Variants in PNPLA7 observed in about 807,000 individuals in gnomAD.
The protein encoded by PNPLA7 is patatin like domain 7, lysophospholipase, also known as patatin-like phospholipase domain-containing protein 7.
A neutral mutation model predicts 161.7 loss-of-function variants in PNPLA7; 153 were observed. That is an observed-to-expected ratio of 0.95 (90% CI 0.83 to 1.08). The LOEUF (loss-of-function observed/expected upper bound fraction) is 1.08, where lower values mean the gene tolerates loss of function less well. Ranked by LOEUF, PNPLA7 falls within the 50% of genes least tolerant of loss-of-function variation. PNPLA7 has a pLI of 0.00. For synonymous variants in PNPLA7, 809 were observed against 782.1 expected, an observed-to-expected ratio of 1.03 and a Z score of -0.57; for missense variants, 1,739 against 1,856.6, an observed-to-expected ratio of 0.94 and a Z score of 1.16.
At chr9:137,504,386 ATC>A (rs2132335837) in intron 14 of PNPLA7, among the ~76,000 whole-genome samples, 1 of 152,228 alleles carries the variant, frequency 6.6e-6, no homozygotes, top group Non-Finnish European at 1.5e-5. Context: ...TAATTTTTGT[ATC>A]TTTAGTAGAA....
At chr9:137,501,212 C>T (rs138821330) in intron 15 of PNPLA7, among the ~76,000 whole-genome samples, 41 of 152,300 alleles carry the variant, frequency 2.7e-4, no homozygotes, top group Non-Finnish European at 4.3e-4. Flanking sequence ...TTCCTGTGCA[C>T]GGGGGGTCCC....
Position 137,489,016 on chromosome 9 carries a change from C to T in PNPLA7, c.2197+3997G>A, listed in dbSNP as rs150795753. Among the ~76,000 whole-genome samples, 1,094 of 144,816 alleles carry T rather than the reference C, an allele frequency of 7.6e-3. 10 individuals carry two copies. The highest frequency in any genetic ancestry group is 0.028 in the African/African-American group (1,050 of 38,156). ...TCCCAACTGTCTACTCACTGACCAGCAGACATCCCCCCAACTGTGCACCCG... is the reference window on the plus strand; with the variant it reads ...TCCCAACTGTCTACTCACTGACCAGTAGACATCCCCCCAACTGTGCACCCG... On this transcript the variant is annotated intron_variant, in intron 20 of 34. Transcript: ENST00000406427.
At chr9:137,527,414 T>C (rs1360445847) in intron 8 of PNPLA7, among the ~76,000 whole-genome samples, 1 of 152,252 alleles carries the variant, frequency 6.6e-6, no homozygotes, top group Non-Finnish European at 1.5e-5. Context: ...AGATGTCCTT[T>C]ATTCGATTTA....
At chr9:137,538,746 A>G (rs1273857289) in intron 8 of PNPLA7, among the ~76,000 whole-genome samples, 1 of 152,216 alleles carries the variant, frequency 6.6e-6, no homozygotes, top group African/African-American at 2.4e-5. Flanking sequence ...AAAAGATTAA[A>G]CACACATTAA....
At chr9:137,495,787 C>T (rs73567287) in intron 18 of PNPLA7, among the ~76,000 whole-genome samples, 2 of 152,162 alleles carry the variant, frequency 1.3e-5, no homozygotes, top group African/African-American at 4.8e-5. Flanking sequence ...CCTGCGGGAG[C>T]CCTGCCCTCT....
chr9:137,497,441 T>C (rs1833125380), intron 17 of PNPLA7, 131 bp from the exon 18 acceptor site: 1 of 886,074 alleles, frequency 1.1e-6, no homozygotes, highest in Non-Finnish European at 1.5e-6. Flanking sequence ...ATTTTTGTTT[T>C]GGAAAACATA....
intron 11 of PNPLA7, chr9:137,516,245 G>A (rs1358318859): frequency 1.1e-6 from 1 of 896,008 alleles, no homozygotes; most frequent in Non-Finnish European, 1.3e-6. Flanking sequence ...GCGTCCCATT[G>A]GTGGATGTGG....
Position 137,520,439 on chromosome 9 carries a change from A to C in PNPLA7, c.958-396T>G, listed in dbSNP as rs1453859058. Among the ~76,000 whole-genome samples the C allele has an allele frequency of 1.3e-5, 2 of 152,244 alleles. No individual in the cohort carries two copies. The highest frequency in any genetic ancestry group is 1.9e-4 in the East Asian group (1 of 5,206). On this transcript the variant is annotated intron_variant, in intron 10 of 34. Transcript: ENST00000406427. The surrounding 1 kb of genome is among the most constrained non-coding windows in gnomAD (Gnocchi z 5.2). Reference sequence around the variant, plus strand: ...GTCAGAACCTTAATACTCTTCATTAAAACAAAAGATAATGTAGAAAACAAA... The same window carrying C: ...GTCAGAACCTTAATACTCTTCATTACAACAAAAGATAATGTAGAAAACAAA...
At position 137,481,853 on chromosome 9, in the gene PNPLA7, A is replaced by G. The variant is rs112228577; in HGVS notation, c.2348-830T>C. 1.6e-4 allele frequency among the ~76,000 whole-genome samples: 24 copies of G among 152,218 alleles called. 1 individual carries two copies. The South Asian group carries it at 1.9e-3, about 12-fold the overall frequency. ...TGGGAGGCTGAGGCAGGAGAATGGC[A>G]TGAACTCGGGAGGTGGAGCTTGCAG... On this transcript the variant is annotated intron_variant, in intron 21 of 34. Coordinates refer to ENST00000406427, the MANE Select transcript of PNPLA7 (RefSeq NM_001098537.3).
In PNPLA7 at chr9:137,537,667, C is replaced by A. The variant is rs1380845690; in HGVS notation, c.747+2975G>T. On this transcript the variant is annotated intron_variant, in intron 8 of 34. Coordinates refer to ENST00000406427, the MANE Select transcript of PNPLA7 (RefSeq NM_001098537.3). The surrounding 1 kb of genome is among the most constrained non-coding windows in gnomAD (Gnocchi z 4.5). Reference sequence around the variant, plus strand: ...ACACTCAGGGAAGATCCATTCCCACCCCTAAGGGAGAGGGGCTGTGACACC... The same window carrying A: ...ACACTCAGGGAAGATCCATTCCCACACCTAAGGGAGAGGGGCTGTGACACC... Among the ~76,000 whole-genome samples, 1 of 152,124 alleles carries A rather than the reference C, an allele frequency of 6.6e-6. No individual in the cohort carries two copies. Among genetic ancestry groups the A allele is most frequent in the Non-Finnish European group, 1.5e-5 (1 of 68,034 alleles).
intron 31 of PNPLA7, 35 bp from the exon 32 acceptor site, chr9:137,462,076 G>A: frequency 6.5e-7 from 1 of 1,537,732 alleles, no homozygotes; most frequent in Non-Finnish European, 8.8e-7. Context: ...CAGGAGGTGT[G>A]GGGAGCCCCC....
At chr9:137,546,183 A>G (rs751246966) in intron 4 of PNPLA7, among the ~76,000 whole-genome samples, 35 of 151,898 alleles carry the variant, frequency 2.3e-4, no homozygotes, top group Non-Finnish European at 4.3e-4. Flanking sequence ...GGCATAAGCT[A>G]TCTTTCTCTC....
chr9:137,522,057 A>AT (rs950989680), intron 9 of PNPLA7, among the ~76,000 whole-genome samples: 2 of 152,270 alleles, frequency 1.3e-5, no homozygotes, highest in African/African-American at 4.8e-5. Context: ...GTGAACATTC[A>AT]TTTTTATTTT....
At position 137,533,826 on chromosome 9, in the gene PNPLA7, G is replaced by A. The variant is rs540751763; in HGVS notation, c.747+6816C>T. On this transcript the variant is annotated intron_variant, in intron 8 of 34. Transcript: ENST00000406427. ...CCCCAACAGTGTCCACTCCAGACAGGAGCACCCCCAGACTCCTCCCCAACA... is the reference window on the plus strand; with the variant it reads ...CCCCAACAGTGTCCACTCCAGACAGAAGCACCCCCAGACTCCTCCCCAACA... 4.0e-5 allele frequency among the ~76,000 whole-genome samples: 6 copies of A among 150,660 alleles called. No individual in the cohort carries two copies. In the South Asian group the frequency reaches 1.1e-3, roughly 26 times the overall value.
intron 12 of PNPLA7, among the ~76,000 whole-genome samples, chr9:137,507,134 G>C (rs1833967439): frequency 6.6e-6 from 1 of 152,258 alleles, no homozygotes; most frequent in Non-Finnish European, 1.5e-5. Context: ...CGCTGGTCGG[G>C]TTTCACGGAG....
intron 11 of PNPLA7, among the ~76,000 whole-genome samples, chr9:137,518,912 C>G (rs1834823351): frequency 7.4e-6 from 1 of 134,864 alleles, no homozygotes; most frequent in South Asian, 2.7e-4. Context: ...TCTGCTCACT[C>G]CATCCCCCAC....
intron 4 of PNPLA7, among the ~76,000 whole-genome samples, chr9:137,544,943 C>G (rs116910695): frequency 6.6e-6 from 1 of 152,104 alleles, no homozygotes; most frequent in African/African-American, 2.4e-5. Flanking sequence ...CCACCGTGCC[C>G]GGCCGAGTTT....
chr9:137,478,868 A>C, intron 24 of PNPLA7, 188 bp downstream of exon 24: 1 of 821,978 alleles, frequency 1.2e-6, no homozygotes. Flanking sequence ...GCTGCTTCCT[A>C]GCCGTGGCCA....
At chr9:137,549,626 T>C (rs10746563) in intron 1 of PNPLA7, among the ~76,000 whole-genome samples, 78,573 of 146,830 alleles carry the variant, frequency 0.54, 22,214 homozygotes, top group African/African-American at 0.71. Flanking sequence ...GAAACCCCGT[T>C]TCTACTAAGA....
Sources: allele counts gnomAD v4.1 joint callset (sites outside exome capture counted in the v4.1 genomes callset), GRCh38; gene constraint gnomAD v4.1.1; non-coding constraint Gnocchi (gnomAD v3.1); transcripts MANE v1.5; gene names NCBI Gene and HGNC (gene_info 2026-07-23, HGNC 2026-07-21).